Variants in NTF3 observed in about 807,000 individuals in gnomAD.
NTF3 encodes neurotrophin 3.
In NTF3, 8 loss-of-function variants were observed where a neutral mutation model predicts 26.3. The observed-to-expected ratio is 0.30, with a 90% CI of 0.18 to 0.55. The LOEUF is 0.55. Ranked by LOEUF, NTF3 falls within the 20% of genes least tolerant of loss-of-function variation. The pLI, the probability that NTF3 is intolerant of heterozygous loss-of-function variation, is 0.93. For synonymous variants in NTF3, 154 were observed against 145.5 expected (o/e 1.06, Z -0.42); for missense variants, 276 against 352.9 (o/e 0.78, Z 1.75).
At chr12:5,471,948 A>G (rs1330114519) in intron 1 of NTF3, among the ~76,000 whole-genome samples, 1 of 152,108 alleles carries the variant, frequency 6.6e-6, no homozygotes, top group East Asian at 1.9e-4. Context: ...TATGTTCAAC[A>G]TAGAAAGCAA....
At chr12:5,436,048 G>A (rs1940164110) in intron 1 of NTF3, among the ~76,000 whole-genome samples, 2 of 152,214 alleles carry the variant, frequency 1.3e-5, no homozygotes, top group South Asian at 4.1e-4. Context: ...AAGGGCCGTA[G>A]ACTTTGGGGA....
chr12:5,480,340 A>T (rs1186130960), intron 1 of NTF3, among the ~76,000 whole-genome samples: 3 of 152,202 alleles, frequency 2.0e-5, no homozygotes, highest in Non-Finnish European at 4.4e-5. Context: ...CACAGTGGGT[A>T]GCCTCGGGAG....
chr12:5,434,025 G>A (rs1480792463), intron 1 of NTF3, among the ~76,000 whole-genome samples: 1 of 152,196 alleles, frequency 6.6e-6, no homozygotes, highest in African/African-American at 2.4e-5. Context: ...TGTCCTAAAC[G>A]TCAGGATGGG....
At chr12:5,482,493 G>A (rs1940819038) in intron 1 of NTF3, among the ~76,000 whole-genome samples, 2 of 152,332 alleles carry the variant, frequency 1.3e-5, no homozygotes, top group East Asian at 3.9e-4. Flanking sequence ...GAGGTCACTG[G>A]CTTTGGAGAT....
At chr12:5,469,040 G>T (rs1444266550) in intron 1 of NTF3, among the ~76,000 whole-genome samples, 1 of 152,054 alleles carries the variant, frequency 6.6e-6, no homozygotes. Context: ...AGGATCGCTT[G>T]AGCCTAGGGG....
chr12:5,438,746 C>T (rs1019508340), intron 1 of NTF3, among the ~76,000 whole-genome samples: 4 of 152,224 alleles, frequency 2.6e-5, no homozygotes, highest in Non-Finnish European at 5.9e-5. Context: ...TGACTGGGCT[C>T]TGTCACTAAT....
intron 1 of NTF3, among the ~76,000 whole-genome samples, chr12:5,440,777 A>G (rs1445246055): frequency 6.6e-6 from 1 of 152,210 alleles, no homozygotes; most frequent in African/African-American, 2.4e-5. Flanking sequence ...CAAGGACCCT[A>G]CCAGTGTGAC....
intron 1 of NTF3, among the ~76,000 whole-genome samples, chr12:5,448,858 T>G (rs1940337242): frequency 6.6e-6 from 1 of 152,144 alleles, no homozygotes; most frequent in Non-Finnish European, 1.5e-5. Context: ...ATGTGAAAAA[T>G]GAACTCTGCC....
chr12:5,460,752 C>G (rs1441272178), intron 1 of NTF3, among the ~76,000 whole-genome samples: 1 of 152,232 alleles, frequency 6.6e-6, no homozygotes, highest in African/African-American at 2.4e-5. Context: ...CCACAATAAA[C>G]TGGATCAGAA....
chr12:5,446,520 C>T (rs1366362248), intron 1 of NTF3, among the ~76,000 whole-genome samples: 2 of 152,192 alleles, frequency 1.3e-5, no homozygotes, highest in African/African-American at 2.4e-5. Context: ...CTTTAACCAA[C>T]AGGCCTTTAT....
chr12:5,446,248 A>G (rs887960654), intron 1 of NTF3, among the ~76,000 whole-genome samples: 1 of 152,216 alleles, frequency 6.6e-6, no homozygotes, highest in Non-Finnish European at 1.5e-5. Context: ...GGCAGATATT[A>G]TACCAGACTT....
chr12:5,441,864 G>A (rs1940241579), intron 1 of NTF3, among the ~76,000 whole-genome samples: 1 of 152,192 alleles, frequency 6.6e-6, no homozygotes, highest in South Asian at 2.1e-4. Flanking sequence ...AGAAAAGGCT[G>A]TTCTTACTCC....
chr12:5,455,057 G>T (rs1160287070), intron 1 of NTF3, among the ~76,000 whole-genome samples: 1 of 152,202 alleles, frequency 6.6e-6, no homozygotes, highest in Non-Finnish European at 1.5e-5. Flanking sequence ...CTCAGCAGGA[G>T]CCTAACGTGT....
Position 5,481,772 on chromosome 12 carries a change from C to T in NTF3, c.19-12422C>T, listed in dbSNP as rs1042874092. On this transcript the variant is annotated intron_variant, in intron 1 of 1. Coordinates refer to ENST00000423158, the MANE Select transcript of NTF3 (RefSeq NM_001102654.2). Reference sequence around the variant, plus strand: ...CACACATATGCACACCATACAGAGACACACTCACACCTAGACATATACACC... The same window carrying T: ...CACACATATGCACACCATACAGAGATACACTCACACCTAGACATATACACC... Among the ~76,000 whole-genome samples the T allele has an allele frequency of 4.7e-4, 66 of 141,212 alleles. 1 individual carries two copies. Among genetic ancestry groups the T allele is most frequent in the African/African-American group, 1.7e-3 (64 of 38,572 alleles). 92.6% of individuals were successfully genotyped at this position (141,212 alleles called of 152,430 possible).
chr12:5,492,674 A>G (rs1194533949), intron 1 of NTF3, among the ~76,000 whole-genome samples: 2 of 152,186 alleles, frequency 1.3e-5, no homozygotes, highest in Non-Finnish European at 2.9e-5. Flanking sequence ...GTTCCCATGG[A>G]AAGAAGATGG....
upstream of NTF3, among the ~76,000 whole-genome samples, chr12:5,430,362 G>T (rs1940069665): frequency 6.6e-6 from 1 of 152,072 alleles, no homozygotes; most frequent in Non-Finnish European, 1.5e-5. Flanking sequence ...TGTGTGGCTG[G>T]GTGGAGGGAA....
At chr12:5,457,426 T>A (rs1361503521) in intron 1 of NTF3, among the ~76,000 whole-genome samples, 1 of 152,234 alleles carries the variant, frequency 6.6e-6, no homozygotes, top group Non-Finnish European at 1.5e-5. Context: ...GGCCCTTCCA[T>A]GATGTCTTCT....
intron 1 of NTF3, among the ~76,000 whole-genome samples, chr12:5,481,883 C>T (rs1565395526): frequency 6.6e-6 from 1 of 151,788 alleles, no homozygotes; most frequent in African/African-American, 2.4e-5. Flanking sequence ...ATCACACATG[C>T]ATACATATAC....
chr12:5,482,941 G>A lies in NTF3; in HGVS notation c.19-11253G>A, dbSNP rs530799673. Among the ~76,000 whole-genome samples, 28 of 147,284 alleles carry A rather than the reference G, an allele frequency of 1.9e-4. No homozygotes were observed. The South Asian group carries it at 2.4e-3, about 13-fold the overall frequency. On this transcript the variant is annotated intron_variant, in intron 1 of 1. Transcript: ENST00000423158. ...GTTTCTGTCTCCTTCTCTCGGTTCTGTATCTTTGTCCCCCTCTCTCCCTAT... is the reference window on the plus strand; with the variant it reads ...GTTTCTGTCTCCTTCTCTCGGTTCTATATCTTTGTCCCCCTCTCTCCCTAT...
Sources: allele counts gnomAD v4.1 joint callset (sites outside exome capture counted in the v4.1 genomes callset), GRCh38; gene constraint gnomAD v4.1.1; transcripts MANE v1.5; gene names NCBI Gene and HGNC (gene_info 2026-07-23, HGNC 2026-07-21).